The following SCN3A variants were observed in gnomAD, a reference collection of about 807,000 sequenced individuals.
SCN3A encodes sodium channel protein type 3 subunit alpha.
Under a neutral mutation model 187.6 loss-of-function variants are expected in SCN3A, and 60 were observed. That is an observed-to-expected ratio of 0.32 (90% CI 0.26 to 0.40). The LOEUF (loss-of-function observed/expected upper bound fraction) is 0.40, where lower values mean the gene tolerates loss of function less well. Ranked by LOEUF, SCN3A falls within the 10% of genes least tolerant of loss-of-function variation. SCN3A has a pLI of 1.00. For synonymous variants in SCN3A, 788 were observed against 829.2 expected (o/e 0.95, Z 0.85); for missense variants, 1,601 against 2,428.2 (o/e 0.66, Z 7.16).
intron 3 of SCN3A, among the ~76,000 whole-genome samples, chr2:165,173,938 T>C (rs1272171442): frequency 6.6e-6 from 1 of 152,220 alleles, no homozygotes; most frequent in Non-Finnish European, 1.5e-5. Flanking sequence ...CTCTCAGCCA[T>C]GGAGGCAATA....
In SCN3A at chr2:165,191,208, G is replaced by A. The variant is rs531493336; in HGVS notation, c.-247-4461C>T. ...CTATGGTGTAATTTCGCTGCACCTGGAACCTTGAAATGATTTACAGCAGTA... is the reference window on the plus strand; with the variant it reads ...CTATGGTGTAATTTCGCTGCACCTGAAACCTTGAAATGATTTACAGCAGTA... On this transcript the variant is annotated intron_variant, in intron 1 of 27. Coordinates refer to ENST00000283254, the MANE Select transcript of SCN3A (RefSeq NM_006922.4). Among the ~76,000 whole-genome samples the A allele has an allele frequency of 5.3e-5, 8 of 151,866 alleles. No homozygotes were observed. In the South Asian group the frequency reaches 6.3e-4, roughly 12 times the overall value.
intron 9 of SCN3A, among the ~76,000 whole-genome samples, chr2:165,159,748 A>T (rs1248908683): frequency 7.5e-6 from 1 of 134,016 alleles, no homozygotes; most frequent in Admixed American, 8.0e-5. Context: ...CATTCTCTTA[A>T]GAATATCTTT....
At chr2:165,195,827 A>T (rs2105982636) in intron 1 of SCN3A, among the ~76,000 whole-genome samples, 1 of 152,252 alleles carries the variant, frequency 6.6e-6, no homozygotes, top group South Asian at 2.1e-4. Context: ...GGTGTATCTT[A>T]ACTCTAGTGT....
chr2:165,141,363 C>T (rs1303124024), intron 12 of SCN3A, among the ~76,000 whole-genome samples: 1 of 152,096 alleles, frequency 6.6e-6, no homozygotes, highest in Non-Finnish European at 1.5e-5. Context: ...TAGTAAGTAG[C>T]TTCTACTTCT....
chr2:165,183,593 G>A (rs1354647898), intron 2 of SCN3A, among the ~76,000 whole-genome samples: 1 of 152,120 alleles, frequency 6.6e-6, no homozygotes, highest in African/African-American at 2.4e-5. Context: ...TGTTACTAAG[G>A]AAAAATTTAT....
chr2:165,189,631 ATTG>A (rs544028475), intron 1 of SCN3A, among the ~76,000 whole-genome samples: 16 of 152,272 alleles, frequency 1.1e-4, no homozygotes, highest in Admixed American at 1.0e-3. Context: ...TCTACTTAGT[ATTG>A]TTATTAATGC....
intron 10 of SCN3A, 79 bp downstream of exon 10, chr2:165,155,683 G>A (rs1574246063): frequency 6.5e-7 from 1 of 1,538,694 alleles, no homozygotes; most frequent in Admixed American, 1.7e-5. Flanking sequence ...ACAGGCATGA[G>A]CCACCACACC....
chr2:165,176,543 T>A, intron 2 of SCN3A, 99 bp from the exon 3 acceptor site: 1 of 892,248 alleles, frequency 1.1e-6, no homozygotes, highest in Non-Finnish European at 1.8e-6. Context: ...TTTAAAGCTA[T>A]AAACATTAAG....
At chr2:165,156,105 G>A (rs745344625) in intron 9 of SCN3A, among the ~76,000 whole-genome samples, 2 of 151,920 alleles carry the variant, frequency 1.3e-5, no homozygotes. Context: ...AAATTTAGAT[G>A]CAAATAAATA....
intron 3 of SCN3A, among the ~76,000 whole-genome samples, chr2:165,174,004 A>G (rs1301047774): frequency 6.6e-6 from 1 of 152,216 alleles, no homozygotes; most frequent in African/African-American, 2.4e-5. Context: ...GCAGACTCAC[A>G]TTAACCAAAC....
At chr2:165,115,664 T>A in intron 18 of SCN3A, 89 bp from the exon 19 acceptor site, 1 of 1,168,174 alleles carries the variant, frequency 8.6e-7, no homozygotes, top group Non-Finnish European at 1.3e-6. Flanking sequence ...GAAAAAAAAA[T>A]AGTAGTGATA....
chr2:165,136,489 C>T lies in SCN3A; in HGVS notation c.2391+1390G>A, dbSNP rs189153669. Among the ~76,000 whole-genome samples, 40 of 152,190 alleles carry T rather than the reference C, an allele frequency of 2.6e-4. No individual in the cohort carries two copies. In the East Asian group the frequency reaches 6.2e-3, roughly 24 times the overall value. On this transcript the variant is annotated intron_variant, in intron 15 of 27. Coordinates refer to ENST00000283254, the MANE Select transcript of SCN3A (RefSeq NM_006922.4). ...ATGTGACCTTCACAACAACTCTGCA[C>T]GAAGGGTATTATTACACTCATTTCA...
intron 15 of SCN3A, among the ~76,000 whole-genome samples, chr2:165,133,326 T>G (rs1687465560): frequency 6.6e-6 from 1 of 152,114 alleles, no homozygotes; most frequent in Non-Finnish European, 1.5e-5. Flanking sequence ...TAAAGACACA[T>G]GCACACGTAT....
chr2:165,120,815 T>C (rs1377636832), intron 18 of SCN3A, among the ~76,000 whole-genome samples: 1 of 151,524 alleles, frequency 6.6e-6, no homozygotes, highest in East Asian at 1.9e-4. Context: ...TTTTTTTTTT[T>C]CACGATCACT....
In SCN3A at chr2:165,195,760, C is replaced by T. The variant is rs191649081; in HGVS notation, c.-248+8063G>A. Among the ~76,000 whole-genome samples, 569 of 152,130 alleles carry T rather than the reference C, an allele frequency of 3.7e-3. 3 individuals are homozygous for T. The highest frequency in any genetic ancestry group is 0.017 in the Middle Eastern group (5 of 294). ...ACAATGACAGGATAATTTTAAGATA[C>T]TGAGTAGAAAACCATTCCTTACCAA... On this transcript the variant is annotated intron_variant, in intron 1 of 27. Transcript: ENST00000283254.
At chr2:165,164,181 A>G (rs1408675729) in intron 6 of SCN3A, among the ~76,000 whole-genome samples, 1 of 152,208 alleles carries the variant, frequency 6.6e-6, no homozygotes, top group Non-Finnish European at 1.5e-5. Flanking sequence ...GAGAAAGACT[A>G]TATGACATGA....
In SCN3A at chr2:165,097,224, T is replaced by C. The variant is rs752907250; in HGVS notation, c.4239+28A>G. The C allele has an allele frequency of 1.9e-6, 3 of 1,613,706 alleles. No individual in the cohort carries two copies. The South Asian group carries it at 3.3e-5, about 18-fold the overall frequency. On this transcript the variant is annotated intron_variant, in intron 23 of 27. Transcript: ENST00000283254. Reference sequence around the variant, plus strand: ...CTTCCTTGAAACATCTTGAAAACTTTTTCAAAACTCGTACAGTAGCCACTT... The same window carrying C: ...CTTCCTTGAAACATCTTGAAAACTTCTTCAAAACTCGTACAGTAGCCACTT...
intron 11 of SCN3A, among the ~76,000 whole-genome samples, chr2:165,147,897 T>C (rs1688448882): frequency 1.3e-5 from 2 of 152,134 alleles, no homozygotes; most frequent in South Asian, 4.1e-4. Flanking sequence ...ACAGAGGATA[T>C]GAAACAATAT....
At chr2:165,132,093 AAGG>A (rs1329041355) in intron 15 of SCN3A, among the ~76,000 whole-genome samples, 5 of 152,180 alleles carry the variant, frequency 3.3e-5, no homozygotes, top group African/African-American at 1.2e-4. Context: ...GGACCTCTTC[AAGG>A]AGAACTACAA....
Sources: allele counts gnomAD v4.1 joint callset (sites outside exome capture counted in the v4.1 genomes callset), GRCh38; gene constraint gnomAD v4.1.1; transcripts MANE v1.5; gene names NCBI Gene and HGNC (gene_info 2026-07-23, HGNC 2026-07-21).